The following ANK2 variants were observed in gnomAD, a reference collection of about 807,000 sequenced individuals.
ANK2 encodes ankyrin 2.
In ANK2, 83 loss-of-function variants were observed where a neutral mutation model predicts 360.5. The observed-to-expected ratio is 0.23, with a 90% CI of 0.19 to 0.28. The LOEUF (loss-of-function observed/expected upper bound fraction) is 0.28, where lower values mean the gene tolerates loss of function less well. Among genes scored for constraint, ANK2 ranks in the 10% least tolerant of loss-of-function variants. ANK2 has a pLI of 1.00. For missense variants in ANK2, 4,201 were observed against 4,795.7 expected, an observed-to-expected ratio of 0.88 and a Z score of 3.66; for synonymous variants, 1,740 against 1,759.5, an observed-to-expected ratio of 0.99 and a Z score of 0.28.
intron 1 of ANK2, among the ~76,000 whole-genome samples, chr4:112,900,518 G>C (rs59071566): frequency 0.12 from 17,807 of 152,028 alleles, 1,782 homozygotes; most frequent in East Asian, 0.33. Flanking sequence ...TGATAGACAC[G>C]GGGGACTTCA....
intron 30 of ANK2, chr4:113,336,359 G>A: frequency 1.7e-6 from 1 of 585,278 alleles, no homozygotes; most frequent in South Asian, 2.5e-5. Context: ...ATTATTCCTA[G>A]TAAGCAAGAG....
chr4:113,116,146 G>GTATA (rs1399860179), intron 1 of ANK2, among the ~76,000 whole-genome samples: 4 of 152,156 alleles, frequency 2.6e-5, no homozygotes, highest in Admixed American at 1.3e-4. Flanking sequence ...CCTATTGGGT[G>GTATA]TATATACAGC....
chr4:113,258,443 G>A (rs375587729), intron 13 of ANK2, 32 bp downstream of exon 13: 22 of 1,582,214 alleles, frequency 1.4e-5, no homozygotes, highest in African/African-American at 2.7e-5. Flanking sequence ...ATAACCCCAG[G>A]GAGGAAGAGC....
chr4:112,861,961 C>A (rs1364672391), intron 1 of ANK2, among the ~76,000 whole-genome samples: 2 of 152,096 alleles, frequency 1.3e-5, no homozygotes, highest in Non-Finnish European at 2.9e-5. Flanking sequence ...AAAAATGGCA[C>A]CGAGTCCAAA....
chr4:112,829,492 A>AAAAAAAAAAAAAC (rs2059220508), intron 1 of ANK2, among the ~76,000 whole-genome samples: 1 of 81,040 alleles, frequency 1.2e-5, no homozygotes, highest in African/African-American at 5.1e-5. Context: ...CCATCTCTAC[A>AAAAAAAAAAAAAC]AAAAAAAAAA....
At chr4:113,005,226 T>C (rs2052378574) in intron 2 of ANK2, among the ~76,000 whole-genome samples, 4 of 151,752 alleles carry the variant, frequency 2.6e-5, no homozygotes, top group Admixed American at 2.6e-4. Flanking sequence ...ACCCAGCAAT[T>C]CCACCATTAG....
At chr4:113,376,039 C>G (rs374060597) in intron 45 of ANK2, among the ~76,000 whole-genome samples, 1 of 152,116 alleles carries the variant, frequency 6.6e-6, no homozygotes, top group Non-Finnish European at 1.5e-5. Context: ...AAAATTTTTG[C>G]ATGAGTGAAA....
At chr4:113,126,353 TA>T (rs1223487718) in intron 1 of ANK2, among the ~76,000 whole-genome samples, 2 of 152,192 alleles carry the variant, frequency 1.3e-5, no homozygotes, top group African/African-American at 4.8e-5. Flanking sequence ...TTAGTGAAAA[TA>T]AATCTCCTGA....
chr4:113,334,127 G>A (rs930951630), intron 29 of ANK2, among the ~76,000 whole-genome samples: 3 of 152,112 alleles, frequency 2.0e-5, no homozygotes, highest in Admixed American at 6.5e-5. Flanking sequence ...TTCAGATATG[G>A]CTTATGGATA....
At chr4:113,310,397 G>A (rs1483484459) in intron 23 of ANK2, among the ~76,000 whole-genome samples, 1 of 151,994 alleles carries the variant, frequency 6.6e-6, no homozygotes, top group African/African-American at 2.4e-5. Flanking sequence ...GTAGAAGACT[G>A]GGGGAAAGAA....
At chr4:112,741,189 A>G in the ANK2 span, among the ~76,000 whole-genome samples, 98 of 151,998 alleles carry the variant, frequency 6.4e-4, 1 homozygote, top group Non-Finnish European at 7.1e-4. Context: ...TTCTAGCAAA[A>G]ACTGTTTATC....
chr4:113,084,963 A>C (rs892160224), intron 1 of ANK2, among the ~76,000 whole-genome samples: 2 of 152,198 alleles, frequency 1.3e-5, no homozygotes, highest in Admixed American at 1.3e-4. Context: ...TTAAATGACT[A>C]GTTTAAAATT....
intron 2 of ANK2, among the ~76,000 whole-genome samples, chr4:112,967,560 T>C (rs2037788597): frequency 6.6e-6 from 1 of 152,250 alleles, no homozygotes; most frequent in African/African-American, 2.4e-5. Context: ...TGAAAAGGGT[T>C]ACTGAAATGA....
chr4:113,332,516 A>G (rs1353083080), intron 28 of ANK2, among the ~76,000 whole-genome samples: 1 of 152,244 alleles, frequency 6.6e-6, no homozygotes, highest in Admixed American at 6.5e-5. Flanking sequence ...GAGGGGCTCA[A>G]TTAGGGCCAC....
At chr4:112,882,170 C>T (rs2076886562) in intron 1 of ANK2, 1 of 204,426 alleles carries the variant, frequency 4.9e-6, no homozygotes, top group South Asian at 1.2e-4. Context: ...AACGAGGCTT[C>T]CTCAGCGGTA....
intron 2 of ANK2, among the ~76,000 whole-genome samples, chr4:112,929,872 A>C (rs1259326619): frequency 6.6e-6 from 1 of 152,204 alleles, no homozygotes; most frequent in Non-Finnish European, 1.5e-5. Context: ...CCTAGAAAGT[A>C]GTAGCCTATA....
chr4:112,712,414 T>A, the ANK2 span, among the ~76,000 whole-genome samples: 11 of 142,056 alleles, frequency 7.7e-5, no homozygotes, highest in South Asian at 6.8e-4. Context: ...ATATTTTTTT[T>A]TTTTTTTTTT....
chr4:112,789,457 T>C, the ANK2 span, among the ~76,000 whole-genome samples: 1 of 151,614 alleles, frequency 6.6e-6, no homozygotes, highest in African/African-American at 2.4e-5. Flanking sequence ...GCCAAAGTTA[T>C]GATTTGAGAC....
chr4:113,355,940 C>T lies in ANK2; in HGVS notation c.7322C>T (p.Pro2441Leu). 2 of 1,614,152 alleles carry T rather than the reference C, an allele frequency of 1.2e-6. No homozygotes were observed. The highest frequency in any genetic ancestry group is 1.7e-5 in the Admixed American group (1 of 60,020). Residue 2441 changes from proline (P) to leucine (L), a missense_variant, in exon 38 of 46, where the codon CCT (proline) becomes CTT (leucine). Transcript: ENST00000357077. ...CACAAAGACTCTCTGGAAGCCAGCC[C>T]TGTGCTAGAAGATAACTCTTCACAC... is the stretch of plus-strand genomic sequence containing the variant. ...VSHKDSLEAS[P>L]VLEDNSSHKT...
Sources: gnomAD v4.1 joint callset for allele counts (sites outside exome capture counted in the v4.1 genomes callset) on GRCh38, gnomAD v4.1.1 for gene constraint, MANE v1.5 for transcripts, NCBI Gene and HGNC (gene_info 2026-07-23, HGNC 2026-07-21) for gene names.